ZNF385D: variants seen among roughly 807,000 people sequenced by gnomAD.
The protein encoded by ZNF385D is zinc finger protein 659.
Under a neutral mutation model 35.8 loss-of-function variants are expected in ZNF385D, and 15 were observed. The observed-to-expected ratio is 0.42, with a 90% CI of 0.28 to 0.64. The LOEUF is 0.64. Ranked by LOEUF, ZNF385D falls within the 30% of genes least tolerant of loss-of-function variation. The probability of loss-of-function intolerance (pLI) is 0.23; values close to 1 mark genes in which losing one functional copy is unlikely to be tolerated. For synonymous variants in ZNF385D, 212 were observed against 186.8 expected (o/e 1.13, Z -1.10); for missense variants, 474 against 494.6 (o/e 0.96, Z 0.39).
chr3:21,833,833 T>C (rs192340505), intron 3 of ZNF385D, among the ~76,000 whole-genome samples: 7 of 152,296 alleles, frequency 4.6e-5, no homozygotes, highest in South Asian at 2.1e-4. Context: ...CATGTAATTA[T>C]TGGCTTAAAC....
At chr3:21,827,423 G>C (rs1694710662) in intron 3 of ZNF385D, among the ~76,000 whole-genome samples, 1 of 152,090 alleles carries the variant, frequency 6.6e-6, no homozygotes, top group South Asian at 2.1e-4. Context: ...TTAGCATCCT[G>C]ACTCAAAGAT....
chr3:21,727,607 C>G (rs549905569), intron 1 of ZNF385D, among the ~76,000 whole-genome samples: 1 of 152,092 alleles, frequency 6.6e-6, no homozygotes, highest in African/African-American at 2.4e-5. Context: ...AAATCAAAAC[C>G]GCAATGAGAT....
intron 1 of ZNF385D, among the ~76,000 whole-genome samples, chr3:21,682,362 A>G (rs2066943546): frequency 6.7e-6 from 1 of 150,248 alleles, no homozygotes. Flanking sequence ...AGTAAGGGGA[A>G]AGCTAAAGGT....
chr3:21,691,003 A>G (rs2067265285), intron 1 of ZNF385D, among the ~76,000 whole-genome samples: 1 of 152,040 alleles, frequency 6.6e-6, no homozygotes, highest in Non-Finnish European at 1.5e-5. Flanking sequence ...CCTCATTAAA[A>G]TCTGTGGTCC....
At chr3:21,764,023 T>A (rs997526790) in intron 3 of ZNF385D, among the ~76,000 whole-genome samples, 2 of 152,126 alleles carry the variant, frequency 1.3e-5, no homozygotes, top group African/African-American at 4.8e-5. Context: ...GATCAATGGC[T>A]ACAACAATCT....
At chr3:21,584,196 C>G (rs559515444) in intron 2 of ZNF385D, among the ~76,000 whole-genome samples, 20 of 142,958 alleles carry the variant, frequency 1.4e-4, no homozygotes, top group African/African-American at 4.4e-4. Context: ...CCAGGCTGGT[C>G]TCAAAGTCCT....
At position 22,351,694 on chromosome 3, in the gene ZNF385D, A is replaced by C. The variant is rs2125497652; in HGVS notation, c.106+20756T>G. ...CTTGGTGGTAGTTTGAGACTAAATAAATACATATCACAAAGCACATTAAAG... is the reference window on the plus strand; with the variant it reads ...CTTGGTGGTAGTTTGAGACTAAATACATACATATCACAAAGCACATTAAAG... On this transcript the variant is annotated intron_variant, in intron 2 of 5. Transcript: ENST00000494108. 2.6e-5 allele frequency among the ~76,000 whole-genome samples: 4 copies of C among 152,292 alleles called. No individual in the cohort carries two copies. The South Asian group carries it at 8.3e-4, about 32-fold the overall frequency.
At chr3:22,163,755 A>G (rs1461792720) in intron 3 of ZNF385D, among the ~76,000 whole-genome samples, 8 of 152,208 alleles carry the variant, frequency 5.3e-5, no homozygotes, top group African/African-American at 1.4e-4. Context: ...TTGACATACC[A>G]TATTTAATTA....
At chr3:21,425,844 G>T (rs1287528292) in intron 5 of ZNF385D, among the ~76,000 whole-genome samples, 174 bp from the exon 6 acceptor site, 3 of 152,142 alleles carry the variant, frequency 2.0e-5, no homozygotes, top group Admixed American at 2.0e-4. Flanking sequence ...ATGGGCAGAA[G>T]TATATACATG....
chr3:22,126,883 G>A (rs912961008), intron 3 of ZNF385D, among the ~76,000 whole-genome samples: 1 of 152,020 alleles, frequency 6.6e-6, no homozygotes, highest in African/African-American at 2.4e-5. Flanking sequence ...GTTATAATTG[G>A]TATATCATCT....
chr3:21,992,057 TG>T (rs1559827862), intron 3 of ZNF385D, among the ~76,000 whole-genome samples: 6 of 152,214 alleles, frequency 3.9e-5, no homozygotes, highest in African/African-American at 1.4e-4. Context: ...TCCTGCCTTA[TG>T]TAGTTGCTGT....
intron 3 of ZNF385D, among the ~76,000 whole-genome samples, chr3:22,049,005 G>A (rs1242993872): frequency 6.6e-6 from 1 of 151,960 alleles, no homozygotes; most frequent in Non-Finnish European, 1.5e-5. Context: ...GTATAGAAAT[G>A]CTGTTAATTG....
chr3:21,835,520 T>TA (rs35748841), intron 3 of ZNF385D, among the ~76,000 whole-genome samples: 78,013 of 144,956 alleles, frequency 0.54, 20,648 homozygotes, highest in African/African-American at 0.62. Flanking sequence ...TGATACTACT[T>TA]AAAAAAAAAA....
chr3:22,314,514 A>C (rs922171035), intron 2 of ZNF385D, among the ~76,000 whole-genome samples: 2 of 152,058 alleles, frequency 1.3e-5, no homozygotes, highest in African/African-American at 2.4e-5. Flanking sequence ...TTATTTGTCT[A>C]TTCATTGACG....
intron 3 of ZNF385D, among the ~76,000 whole-genome samples, chr3:22,024,357 C>T (rs973236923): frequency 2.6e-5 from 4 of 151,876 alleles, no homozygotes; most frequent in Admixed American, 1.3e-4. Flanking sequence ...ATATCCTATT[C>T]GTTCTGTCCC....
At chr3:21,912,443 C>G (rs1375320368) in intron 3 of ZNF385D, among the ~76,000 whole-genome samples, 1 of 151,980 alleles carries the variant, frequency 6.6e-6, no homozygotes, top group Non-Finnish European at 1.5e-5. Flanking sequence ...CAGATACCTG[C>G]TTGATGGTAA....
chr3:21,921,919 G>A (rs1216942749), intron 3 of ZNF385D, among the ~76,000 whole-genome samples: 1 of 150,844 alleles, frequency 6.6e-6, no homozygotes, highest in East Asian at 1.9e-4. Context: ...CAAGACATAC[G>A]AAGAAGAGAT....
At chr3:21,637,796 C>G (rs2065490862) in intron 2 of ZNF385D, among the ~76,000 whole-genome samples, 1 of 152,040 alleles carries the variant, frequency 6.6e-6, no homozygotes, top group South Asian at 2.1e-4. Flanking sequence ...TTTAAATGAA[C>G]TTAAATGAGT....
intron 1 of ZNF385D, among the ~76,000 whole-genome samples, chr3:21,688,231 G>A (rs374904964): frequency 6.6e-6 from 1 of 152,096 alleles, no homozygotes; most frequent in East Asian, 1.9e-4. Flanking sequence ...TGTTCTGTTG[G>A]AATAATTGTA....
Sources: allele counts gnomAD v4.1 joint callset (sites outside exome capture counted in the v4.1 genomes callset), GRCh38; gene constraint gnomAD v4.1.1; transcripts MANE v1.5; gene names NCBI Gene and HGNC (gene_info 2026-07-23, HGNC 2026-07-21).